SNRPN: variants seen among roughly 807,000 people sequenced by gnomAD.
SNRPN encodes the protein small nuclear ribonucleoprotein polypeptide N.
Under a neutral mutation model 25.2 loss-of-function variants are expected in SNRPN, and 7 were observed. The observed-to-expected ratio is 0.28, with a 90% CI of 0.16 to 0.52. The LOEUF (loss-of-function observed/expected upper bound fraction) is 0.52, where lower values mean the gene tolerates loss of function less well. SNRPN is among the 20% of genes least tolerant of loss of function. The probability of loss-of-function intolerance (pLI) is 0.96; values close to 1 mark genes in which losing one functional copy is unlikely to be tolerated. For synonymous variants in SNRPN, 124 were observed against 110.6 expected, an observed-to-expected ratio of 1.12 and a Z score of -0.76; for missense variants, 196 against 322.5, an observed-to-expected ratio of 0.61 and a Z score of 3.00.
At chr15:24,880,294 G>C (rs775718356) in intron 1 of SNRPN, among the ~76,000 whole-genome samples, 43 of 152,242 alleles carry the variant, frequency 2.8e-4, no homozygotes, top group Non-Finnish European at 1.9e-4. Context: ...TCTAAAAGAG[G>C]GGGGTGGTGG....
intron 3 of SNRPN, chr15:24,920,397 T>G (rs1205513905): frequency 1.3e-5 from 2 of 152,154 alleles, no homozygotes; most frequent in African/African-American, 4.8e-5. Flanking sequence ...TTTCCCCACT[T>G]GAGTGTGCAT....
At chr15:24,828,755 A>C (rs2050278057) in intron 1 of SNRPN, among the ~76,000 whole-genome samples, 1 of 152,118 alleles carries the variant, frequency 6.6e-6, no homozygotes, top group Non-Finnish European at 1.5e-5. Context: ...TAAGTGTTTG[A>C]AAATATTTAG....
At chr15:24,881,620 A>AGAGAGAGAGAGAGAGAGAGAG (rs386364361) in intron 1 of SNRPN, among the ~76,000 whole-genome samples, 1 of 46,868 alleles carries the variant, frequency 2.1e-5, no homozygotes, top group Non-Finnish European at 3.8e-5. Flanking sequence ...AGAGAGAGAG[A>AGAGAGAGAGAGAGAGAGAGAG]AAGTCACAGT....
chr15:24,836,678 G>T (rs911299652), intron 2 of SNRPN, among the ~76,000 whole-genome samples: 1 of 152,110 alleles, frequency 6.6e-6, no homozygotes, highest in Non-Finnish European at 1.5e-5. Flanking sequence ...CTCCCAGAGT[G>T]CTGGGATTAT....
upstream of SNRPN, among the ~76,000 whole-genome samples, chr15:24,853,477 T>G (rs2053074912): frequency 1.3e-5 from 2 of 151,952 alleles, no homozygotes; most frequent in Admixed American, 1.3e-4. Flanking sequence ...TGCTGCAAGC[T>G]CCGCCTCCCA....
At chr15:24,848,938 C>T (rs1035143389) in intron 2 of SNRPN, 1 of 151,824 alleles carries the variant, frequency 6.6e-6, no homozygotes, top group Non-Finnish European at 1.5e-5. Context: ...GACGGAGTCT[C>T]GCTCTGTCAC....
At chr15:24,863,110 T>C (rs2054155404) in intron 1 of SNRPN, among the ~76,000 whole-genome samples, 1 of 150,526 alleles carries the variant, frequency 6.6e-6, no homozygotes, top group Admixed American at 6.6e-5. Context: ...CAAGTAAGAA[T>C]AGTCCTTGTT....
chr15:24,962,306 TGA>T, intron 2 of SNRPN, 97 bp downstream of exon 2: 1 of 969,268 alleles, frequency 1.0e-6, no homozygotes, highest in Non-Finnish European at 1.6e-6. Context: ...TGAACATAAT[TGA>T]AGAAGCAGAC....
intron 4 of SNRPN, 88 bp downstream of exon 4, chr15:24,974,544 T>C (rs2076841223): frequency 1.6e-6 from 2 of 1,240,298 alleles, no homozygotes; most frequent in Non-Finnish European, 2.4e-6. Flanking sequence ...TCTTGGGTTC[T>C]GAATGTTAGA....
intron 2 of SNRPN, among the ~76,000 whole-genome samples, chr15:24,894,444 C>A (rs564645382): frequency 6.6e-6 from 1 of 152,256 alleles, no homozygotes; most frequent in South Asian, 2.1e-4. Context: ...GTGTCTTGAT[C>A]TCCTGACCTC....
upstream of SNRPN, among the ~76,000 whole-genome samples, chr15:24,855,661 G>C (rs763248458): frequency 4.0e-5 from 6 of 151,682 alleles, no homozygotes; most frequent in African/African-American, 1.5e-4. Flanking sequence ...GCATGCTGGC[G>C]GGCACCTGTA....
upstream of SNRPN, among the ~76,000 whole-genome samples, chr15:24,952,324 C>T (rs1002571168): frequency 6.6e-6 from 1 of 151,976 alleles, no homozygotes; most frequent in African/African-American, 2.4e-5. Flanking sequence ...TTTTAGTGTC[C>T]TTTAAGTACA....
chr15:24,866,238 AT>A (rs1006461565), intron 1 of SNRPN, among the ~76,000 whole-genome samples: 4 of 148,380 alleles, frequency 2.7e-5, no homozygotes, highest in African/African-American at 9.9e-5. Flanking sequence ...ATATGTCTCC[AT>A]TTTTATTAAA....
chr15:24,831,743 G>A (rs910190531), intron 2 of SNRPN, among the ~76,000 whole-genome samples: 11 of 151,708 alleles, frequency 7.3e-5, no homozygotes, highest in African/African-American at 1.9e-4. Context: ...TTCTCTTCCC[G>A]GCATATTTCA....
intron 3 of SNRPN, among the ~76,000 whole-genome samples, chr15:24,971,571 C>T (rs990533222): frequency 1.3e-5 from 2 of 151,172 alleles, no homozygotes; most frequent in African/African-American, 4.9e-5. Context: ...ATAATCTGTC[C>T]CTAATTCTCT....
In SNRPN at chr15:24,955,074, C is replaced by G; in HGVS notation, c.-391+12C>G. The G allele has an allele frequency of 6.2e-7, 1 of 1,613,536 alleles. No homozygotes were observed. ...ATGGAGCGGGCAAGGTCAGCTGTGCCGGTGGCTTCTCTCAAGAGACAGCCT... is the reference window on the plus strand; with the variant it reads ...ATGGAGCGGGCAAGGTCAGCTGTGCGGGTGGCTTCTCTCAAGAGACAGCCT... On this transcript the variant is annotated intron_variant, in intron 1 of 9. Transcript: ENST00000390687.
At chr15:24,897,112 C>T (rs1164056431) in intron 2 of SNRPN, among the ~76,000 whole-genome samples, 2 of 152,122 alleles carry the variant, frequency 1.3e-5, no homozygotes, top group African/African-American at 2.4e-5. Flanking sequence ...AAAATCACCC[C>T]TCTGCACTCC....
intron 1 of SNRPN, among the ~76,000 whole-genome samples, chr15:24,961,470 A>T (rs1289747496): frequency 6.6e-6 from 1 of 152,100 alleles, no homozygotes; most frequent in Non-Finnish European, 1.5e-5. Flanking sequence ...TAATATGGCT[A>T]GTCTGGTGTG....
intron 2 of SNRPN, among the ~76,000 whole-genome samples, chr15:24,918,444 G>GTA (rs71412615): frequency 8.6e-6 from 1 of 116,136 alleles, no homozygotes; most frequent in African/African-American, 3.3e-5. Flanking sequence ...ATATATATGT[G>GTA]TATATATATA....
Sources: allele counts gnomAD v4.1 joint callset (sites outside exome capture counted in the v4.1 genomes callset), GRCh38; gene constraint gnomAD v4.1.1; transcripts MANE v1.5; gene names NCBI Gene and HGNC (gene_info 2026-07-23, HGNC 2026-07-21).